PIK3C2B: variants seen among roughly 807,000 people sequenced by gnomAD.
The protein encoded by PIK3C2B is phosphatidylinositol-4-phosphate 3-kinase catalytic subunit type 2 beta, also known as phosphatidylinositol 4-phosphate 3-kinase C2 domain-containing subunit beta.
A neutral mutation model predicts 184.3 loss-of-function variants in PIK3C2B; 83 were observed. The ratio of observed to expected loss-of-function variants is 0.45; its 90% CI spans 0.38 to 0.54. The LOEUF is 0.54. PIK3C2B is among the 20% of genes least tolerant of loss of function. The probability of loss-of-function intolerance (pLI) is 0.00; values close to 1 mark genes in which losing one functional copy is unlikely to be tolerated. For missense variants in PIK3C2B, 1,736 were observed against 2,113.5 expected, an observed-to-expected ratio of 0.82 and a Z score of 3.50; for synonymous variants, 779 against 837.6, an observed-to-expected ratio of 0.93 and a Z score of 1.21.
At chr1:204,467,845 A>G (rs1655941705) in intron 2 of PIK3C2B, among the ~76,000 whole-genome samples, 1 of 150,682 alleles carries the variant, frequency 6.6e-6, no homozygotes, top group Non-Finnish European at 1.5e-5. Flanking sequence ...AAAAAAAAAA[A>G]AAAAAGAAGG....
chr1:204,436,272 G>A (rs1019840820), intron 23 of PIK3C2B, among the ~76,000 whole-genome samples: 19 of 152,194 alleles, frequency 1.2e-4, no homozygotes, highest in Non-Finnish European at 2.6e-4. Context: ...GCTCATGCCT[G>A]TAATCCCAGC....
At chr1:204,429,163 G>A (rs1305001264) in intron 29 of PIK3C2B, among the ~76,000 whole-genome samples, 1 of 152,174 alleles carries the variant, frequency 6.6e-6, no homozygotes, top group East Asian at 1.9e-4. Context: ...GGGAAGTGGA[G>A]GCTGCAGTGA....
intron 9 of PIK3C2B, 90 bp downstream of exon 9, chr1:204,457,638 G>A: frequency 7.9e-7 from 1 of 1,269,872 alleles, no homozygotes; most frequent in African/African-American, 1.5e-5. Context: ...TTTAGTGAGT[G>A]AACACCTACA....
chr1:204,428,878 T>C (rs1204668271), intron 29 of PIK3C2B: 4 of 455,578 alleles, frequency 8.8e-6, no homozygotes, highest in Admixed American at 4.7e-5. Flanking sequence ...GCTAATTATA[T>C]TGTTTCTCTA....
At chr1:204,442,974 TCA>T (rs1675752423) in intron 19 of PIK3C2B, among the ~76,000 whole-genome samples, 1 of 152,192 alleles carries the variant, frequency 6.6e-6, no homozygotes, top group Admixed American at 6.5e-5. Flanking sequence ...ACAAAATCTC[TCA>T]ATTTTTAAAT....
At chr1:204,426,106 G>A (rs1412785242) in intron 31 of PIK3C2B, among the ~76,000 whole-genome samples, 1 of 152,196 alleles carries the variant, frequency 6.6e-6, no homozygotes, top group African/African-American at 2.4e-5. Flanking sequence ...ACCCCTAAGA[G>A]GTAGAGACAT....
intron 1 of PIK3C2B, among the ~76,000 whole-genome samples, chr1:204,473,743 A>C (rs1656481345): frequency 2.0e-5 from 3 of 152,174 alleles, no homozygotes; most frequent in Admixed American, 2.0e-4. Flanking sequence ...GCATACTTGC[A>C]CTCAGCTTCA....
chr1:204,458,762 G>A (rs936254134), intron 8 of PIK3C2B, among the ~76,000 whole-genome samples: 1 of 152,008 alleles, frequency 6.6e-6, no homozygotes, highest in East Asian at 1.9e-4. Context: ...CCAAAGTGCT[G>A]GGATTACAGG....
chr1:204,440,555 T>C (rs1286753137), intron 21 of PIK3C2B, among the ~76,000 whole-genome samples: 1 of 151,344 alleles, frequency 6.6e-6, no homozygotes, highest in Non-Finnish European at 1.5e-5. Flanking sequence ...CTGAATTAAA[T>C]TCACGGTCTG....
At chr1:204,490,143 T>A (rs1657914006) in intron 1 of PIK3C2B, 1 of 390,454 alleles carries the variant, frequency 2.6e-6, no homozygotes, top group Admixed American at 4.4e-5. Flanking sequence ...CAAACAATCT[T>A]TGGCTTCTCT....
rs150869957 is a variant in PIK3C2B at position 204,443,410 on chromosome 1, C to T, written c.3048+7G>A. ...GAAATGGGTAGGGGCAGCCTCACCCCACTAACCTGCCTTGCAGATGGGGCT... is the reference window on the plus strand; with the variant it reads ...GAAATGGGTAGGGGCAGCCTCACCCTACTAACCTGCCTTGCAGATGGGGCT... On this transcript the variant is annotated splice_region_variant and intron_variant, in intron 19 of 32. Coordinates refer to ENST00000684373, the MANE Select transcript of PIK3C2B (RefSeq NM_001377334.1). 3.4e-4 allele frequency: 549 copies of T among 1,613,046 alleles called. 3 individuals carry two copies. In the African/African-American group the frequency reaches 6.3e-3, roughly 18 times the overall value.
rs1446668759 is a variant in PIK3C2B, at chr1:204,460,558, C to T, written c.1414G>A (p.Ala472Thr). 1.2e-6 allele frequency: 2 copies of T among 1,613,462 alleles called. No individual in the cohort carries two copies. Among genetic ancestry groups the T allele is most frequent in the African/African-American group, 2.7e-5 (2 of 74,906 alleles). ...MEQKVVRSDLARTVNDDQSPS... is the reference protein window; with the variant it reads ...MEQKVVRSDLTRTVNDDQSPS... ...ACCACCCTCACACGAACCGTCCGGGCCAGGTCACTGCGCACAACCTTCTGC... is the reference window on the plus strand; with the variant it reads ...ACCACCCTCACACGAACCGTCCGGGTCAGGTCACTGCGCACAACCTTCTGC... The change falls in exon 6 of 33, where the codon GCC becomes ACC. Residue 472 changes from alanine to threonine, a missense_variant. Around this residue, in one of 8 missense-constraint regions of PIK3C2B, gnomAD observed 609 missense variants for 699.2 expected, o/e 0.87. Coordinates refer to ENST00000684373, the MANE Select transcript of PIK3C2B (RefSeq NM_001377334.1).
chr1:204,454,930 T>C (rs1654702733), intron 11 of PIK3C2B, 139 bp from the exon 12 acceptor site: 2 of 888,182 alleles, frequency 2.3e-6, no homozygotes, highest in African/African-American at 1.7e-5. Context: ...GATCTCCGGA[T>C]AGGACAGCCA....
chr1:204,430,052 G>T lies in PIK3C2B; in HGVS notation c.4281-14C>A. On this transcript the variant is annotated splice_polypyrimidine_tract_variant and intron_variant, in intron 28 of 32. Transcript: ENST00000684373. ...CGACTAGGGAAGCTGGCGTGGCAGCGTAGGCAGCGGGGATGCAGGAGGTGA... is the reference window on the plus strand; with the variant it reads ...CGACTAGGGAAGCTGGCGTGGCAGCTTAGGCAGCGGGGATGCAGGAGGTGA... 6.5e-7 allele frequency: 1 copy of T among 1,535,592 alleles called. No homozygotes were observed. Among genetic ancestry groups the T allele is most frequent in the Non-Finnish European group, 9.0e-7 (1 of 1,117,154 alleles).
Position 204,448,320 on chromosome 1 carries a change from G to A in PIK3C2B, c.2347-742C>T, listed in dbSNP as rs183575220. On this transcript the variant is annotated intron_variant, in intron 14 of 32. Coordinates refer to ENST00000684373, the MANE Select transcript of PIK3C2B (RefSeq NM_001377334.1). Reference sequence around the variant, plus strand: ...AGTAGAGACAGGGTATCACCATGTTGGCCACTCCTGACCTCAAGTGATCCC... The same window carrying A: ...AGTAGAGACAGGGTATCACCATGTTAGCCACTCCTGACCTCAAGTGATCCC... Among the ~76,000 whole-genome samples, 200 of 151,628 alleles carry A rather than the reference G, an allele frequency of 1.3e-3. 1 individual carries two copies. The highest frequency in any genetic ancestry group is 2.8e-3 in the Admixed American group (42 of 15,218).
rs140065111 is a variant in PIK3C2B at position 204,430,016 on chromosome 1, C to G, written c.4303G>C (p.Gly1435Arg). The G allele has an allele frequency of 2.6e-4, 412 of 1,609,748 alleles. No individual in the cohort carries two copies. The highest frequency in any genetic ancestry group is 3.3e-4 in the Non-Finnish European group (384 of 1,179,590). The change falls in exon 29 of 33, where the codon GGC becomes CGC. Residue 1435 changes from glycine to arginine, a missense_variant. Physicochemically the swap from Gly to Arg is moderately radical, Grantham distance 125. Transcript: ENST00000684373. The stretch of plus-strand genomic sequence containing the variant: ...GCCACCGCCTCTCCCCGGGAGCGGC[C>G]GATCACGAAGCGACTAGGGAAGCTG... Reference protein sequence around the residue: ...LPSFPSRFVIGRSRGEAVAER... With the variant: ...LPSFPSRFVIRRSRGEAVAER...
At chr1:204,456,962 C>G in intron 10 of PIK3C2B, 75 bp downstream of exon 10, 2 of 1,262,906 alleles carry the variant, frequency 1.6e-6, no homozygotes, top group South Asian at 1.3e-5. Flanking sequence ...GGGGCCCAGG[C>G]AGAAAAAGGA....
intron 12 of PIK3C2B, among the ~76,000 whole-genome samples, chr1:204,452,099 C>T (rs530908581): frequency 7.6e-4 from 115 of 152,230 alleles, no homozygotes; most frequent in African/African-American, 2.7e-3. Context: ...ATGGACAGTG[C>T]AAGATAGTGC....
rs753566759 is a variant in PIK3C2B at position 204,424,907 on chromosome 1, G to T, written c.4850C>A (p.Ala1617Asp). 2 of 1,614,248 alleles carry T rather than the reference G, an allele frequency of 1.2e-6. No individual in the cohort carries two copies. The highest frequency in any genetic ancestry group is 4.5e-5 in the East Asian group (2 of 44,894). The part of the protein sequence containing the change: ...VNIRLRELDL[A>D]QEKTGWFALG... ...GGCGAACCAGCCGGTCTTCTCCTGA[G>T]CCAGGTCCAGCTCTCGCAGGCGGAT... is the stretch of plus-strand genomic sequence containing the variant. The change falls in exon 33 of 33, where the codon GCT becomes GAT. Residue 1617 changes from alanine to aspartate, a missense_variant. Ala to Asp is a moderately radical substitution (Grantham distance 126). This residue lies in a region of PIK3C2B where 95 missense variants were observed against 164.2 expected (regional missense o/e 0.58). Transcript: ENST00000684373.
Sources: allele counts gnomAD v4.1 joint callset (sites outside exome capture counted in the v4.1 genomes callset), GRCh38; gene constraint gnomAD v4.1.1; regional missense constraint gnomAD v4.1.1; transcripts MANE v1.5; gene names NCBI Gene and HGNC (gene_info 2026-07-23, HGNC 2026-07-21).